Variants in KAZN observed in about 807,000 individuals in gnomAD.
The protein encoded by KAZN is kazrin, periplakin interacting protein.
Under a neutral mutation model 87.4 loss-of-function variants are expected in KAZN, and 40 were observed. That is an observed-to-expected ratio of 0.46 (90% confidence interval 0.36 to 0.60). The LOEUF is 0.60. Among genes scored for constraint, KAZN ranks in the 20% least tolerant of loss-of-function variants. The probability of loss-of-function intolerance (pLI) is 0.00; values close to 1 mark genes in which losing one functional copy is unlikely to be tolerated. For missense variants in KAZN, 898 were observed against 1,073.9 expected (o/e 0.84, Z 2.29); for synonymous variants, 466 against 458.3 (o/e 1.02, Z -0.22).
chr1:14,437,725 T>C (rs1666480921), intron 2 of KAZN, among the ~76,000 whole-genome samples: 1 of 152,174 alleles, frequency 6.6e-6, no homozygotes, highest in Non-Finnish European at 1.5e-5. Flanking sequence ...AGGCTCTGCA[T>C]GCTGAGAGCC....
intron 2 of KAZN, among the ~76,000 whole-genome samples, chr1:14,437,355 G>A (rs1030429702): frequency 2.0e-5 from 3 of 152,166 alleles, no homozygotes; most frequent in Non-Finnish European, 2.9e-5. Context: ...GATGAAACGC[G>A]CATGTTGAAG....
chr1:14,670,344 G>A (rs1004548101), intron 1 of KAZN, among the ~76,000 whole-genome samples: 4 of 151,890 alleles, frequency 2.6e-5, no homozygotes, highest in African/African-American at 4.8e-5. Context: ...TGGAAGCCTC[G>A]TTGAAAACAG....
At chr1:15,082,497 G>GA (rs921802220) in intron 8 of KAZN, among the ~76,000 whole-genome samples, 38 of 152,124 alleles carry the variant, frequency 2.5e-4, no homozygotes, top group Admixed American at 2.0e-3. Flanking sequence ...AGTAAAAGAA[G>GA]AAAAAAAATT....
Position 14,107,386 on chromosome 1 carries a change from TG to T in KAZN, c.92-73048del, listed in dbSNP as rs539123330. On this transcript the variant is annotated intron_variant, in intron 1 of 16. Transcript: ENST00000636203. Reference sequence around the variant, plus strand: ...TTTTTTGTTTGTTTGTTTGTTTGTTTGTTTTTTTGCCTGCTTTGTTTTCTTA... The same window carrying T: ...TTTTTTGTTTGTTTGTTTGTTTGTTTTTTTTTTGCCTGCTTTGTTTTCTTA... 2.5e-4 allele frequency among the ~76,000 whole-genome samples: 38 copies of T among 152,072 alleles called. No individual in the cohort carries two copies. The South Asian group carries it at 5.0e-3, about 20-fold the overall frequency.
intron 8 of KAZN, chr1:15,068,217 G>A: frequency 5.1e-6 from 2 of 390,354 alleles, no homozygotes; most frequent in Non-Finnish European, 7.0e-6. Context: ...CCCTCTGGGA[G>A]GCACAGGCTG....
At chr1:14,844,671 C>A (rs1221046113) in intron 1 of KAZN, among the ~76,000 whole-genome samples, 1 of 152,190 alleles carries the variant, frequency 6.6e-6, no homozygotes, top group Non-Finnish European at 1.5e-5. Context: ...GATGATAGAG[C>A]CCCTTTCCTA....
At chr1:14,215,542 C>T (rs1646940689) in intron 2 of KAZN, among the ~76,000 whole-genome samples, 1 of 152,180 alleles carries the variant, frequency 6.6e-6, no homozygotes, top group African/African-American at 2.4e-5. Context: ...TTTGATATTT[C>T]ATTTAAGTTG....
At chr1:14,031,411 T>C (rs1641323035) in intron 1 of KAZN, among the ~76,000 whole-genome samples, 1 of 152,254 alleles carries the variant, frequency 6.6e-6, no homozygotes, top group Non-Finnish European at 1.5e-5. Context: ...TTGCTGAAGA[T>C]GTTGCGGGCA....
chr1:14,384,237 G>A (rs1405330635), intron 2 of KAZN, among the ~76,000 whole-genome samples: 1 of 151,708 alleles, frequency 6.6e-6, no homozygotes, highest in Non-Finnish European at 1.5e-5. Context: ...GGGTTTTCTA[G>A]ATATACAATC....
chr1:14,636,444 G>T (rs564646355), intron 1 of KAZN, among the ~76,000 whole-genome samples: 1 of 152,172 alleles, frequency 6.6e-6, no homozygotes, highest in Non-Finnish European at 1.5e-5. Context: ...TGGATAGAGG[G>T]CTCTTTGTGT....
intron 13 of KAZN, among the ~76,000 whole-genome samples, chr1:15,110,033 GTA>G (rs367863364): frequency 0.39 from 26,525 of 67,204 alleles, 2,871 homozygotes; most frequent in East Asian, 0.65. Flanking sequence ...TGGTGTTTGT[GTA>G]TGTGTGTATA....
intron 1 of KAZN, among the ~76,000 whole-genome samples, chr1:14,734,824 C>T (rs1643843541): frequency 6.6e-6 from 1 of 152,228 alleles, no homozygotes; most frequent in Non-Finnish European, 1.5e-5. Context: ...CACCAGTCTC[C>T]TTCATGGAAC....
chr1:15,097,080 A>C (rs1640837247), intron 10 of KAZN, among the ~76,000 whole-genome samples: 1 of 152,240 alleles, frequency 6.6e-6, no homozygotes, highest in African/African-American at 2.4e-5. Context: ...AGTTTGCCAC[A>C]TGACCTTGCC....
At chr1:14,233,897 C>A (rs527271512) in intron 2 of KAZN, among the ~76,000 whole-genome samples, 1 of 152,266 alleles carries the variant, frequency 6.6e-6, no homozygotes, top group South Asian at 2.1e-4. Context: ...AGTCAGGAAA[C>A]AACAGATGCT....
Position 14,996,749 on chromosome 1 carries a change from GA to G in KAZN, c.418+35875del, listed in dbSNP as rs1667906534. Among the ~76,000 whole-genome samples, 1 of 152,182 alleles carries G rather than the reference GA, an allele frequency of 6.6e-6. No homozygotes were observed. The highest frequency in any genetic ancestry group is 1.5e-5 in the Non-Finnish European group (1 of 68,046). ...CTCCCAGTCCCCAGGAGAAAGGGCTGATGCTCCCAAAGGCAGGCCACTTGCA... is the reference window on the plus strand; with the variant it reads ...CTCCCAGTCCCCAGGAGAAAGGGCTGTGCTCCCAAAGGCAGGCCACTTGCA... On this transcript the variant is annotated intron_variant, in intron 2 of 14. Coordinates refer to ENST00000376030, the MANE Select transcript of KAZN (RefSeq NM_201628.3). The surrounding 1 kb of genome is among the most constrained non-coding windows in gnomAD (Gnocchi z 5.9).
chr1:14,237,617 A>G (rs1327163137), intron 2 of KAZN, among the ~76,000 whole-genome samples: 1 of 152,174 alleles, frequency 6.6e-6, no homozygotes, highest in Admixed American at 6.5e-5. Flanking sequence ...GAAAATCATT[A>G]CAGAATAGGT....
chr1:14,227,905 T>G (rs1466112354), intron 2 of KAZN, among the ~76,000 whole-genome samples: 2 of 152,170 alleles, frequency 1.3e-5, no homozygotes, highest in Non-Finnish European at 2.9e-5. Flanking sequence ...GCAGCATCTT[T>G]GAAAGTTGTG....
intron 1 of KAZN, among the ~76,000 whole-genome samples, chr1:14,065,844 A>G (rs775193570): frequency 1.4e-4 from 22 of 152,136 alleles, no homozygotes; most frequent in Non-Finnish European, 3.2e-4. Flanking sequence ...ATAGGGTACA[A>G]GTGGTTTTGG....
chr1:15,035,093 C>T (rs1032269106), intron 3 of KAZN, among the ~76,000 whole-genome samples: 3 of 151,932 alleles, frequency 2.0e-5, no homozygotes, highest in African/African-American at 2.4e-5. Flanking sequence ...AACAGGACAG[C>T]GTGGACTCAG....
Sources: allele counts gnomAD v4.1 joint callset (sites outside exome capture counted in the v4.1 genomes callset), GRCh38; gene constraint gnomAD v4.1.1; non-coding constraint Gnocchi (gnomAD v3.1); transcripts MANE v1.5; gene names NCBI Gene and HGNC (gene_info 2026-07-23, HGNC 2026-07-21).